The following ARG2 variants were observed in gnomAD, a reference collection of about 807,000 sequenced individuals.
ARG2 encodes the protein arginase 2.
In ARG2, 21 loss-of-function variants were observed where a neutral mutation model predicts 39.4. That is an observed-to-expected ratio of 0.53 (90% CI 0.38 to 0.77). The LOEUF (loss-of-function observed/expected upper bound fraction) is 0.77. ARG2 is among the 30% of genes least tolerant of loss of function. The probability of loss-of-function intolerance (pLI) is 0.00; values close to 1 mark genes in which losing one functional copy is unlikely to be tolerated. For synonymous variants in ARG2, 150 were observed against 156.7 expected (o/e 0.96, Z 0.32); for missense variants, 378 against 426.2 (o/e 0.89, Z 1.00).
At chr14:67,630,453 C>T (rs1184233360) in intron 2 of ARG2, among the ~76,000 whole-genome samples, 1 of 152,188 alleles carries the variant, frequency 6.6e-6, no homozygotes, top group Non-Finnish European at 1.5e-5. Flanking sequence ...AAGAAAGGGG[C>T]AAAGGCAGTT....
chr14:67,647,456 G>GA (rs1026989500), intron 6 of ARG2: 2 of 159,034 alleles, frequency 1.3e-5, no homozygotes, highest in Non-Finnish European at 2.7e-5. Context: ...ACTTCTGGGT[G>GA]ATTAATGTCA....
At chr14:67,620,588 G>T (rs1223902710) in intron 1 of ARG2, among the ~76,000 whole-genome samples, 1 of 152,140 alleles carries the variant, frequency 6.6e-6, no homozygotes, top group African/African-American at 2.4e-5. Flanking sequence ...GAGCTGTTTT[G>T]TTCTCTTCAA....
chr14:67,631,437 T>TTG (rs2036918002), intron 2 of ARG2, among the ~76,000 whole-genome samples: 1 of 145,446 alleles, frequency 6.9e-6, no homozygotes, highest in African/African-American at 2.6e-5. Flanking sequence ...TTTCTTTCTT[T>TTG]TTTTTTTTTT....
In ARG2 at chr14:67,620,063, T is replaced by C; in HGVS notation, c.86T>C (p.Ile29Thr). Residue 29 changes from isoleucine to threonine, a missense_variant, in exon 1 of 8, where the codon ATA (isoleucine) becomes ACA (threonine). By Grantham distance (89) the Ile-to-Thr change is moderately conservative. Transcript: ENST00000261783. ...LKKSVHSVAVIGAPFSQGQKR... is the reference protein window; with the variant it reads ...LKKSVHSVAVTGAPFSQGQKR... ...AAATCCGTCCACTCCGTGGCTGTGATAGGAGCCCCGTTCTCACAAGGGCAG... is the reference window on the plus strand; with the variant it reads ...AAATCCGTCCACTCCGTGGCTGTGACAGGAGCCCCGTTCTCACAAGGGCAG... 1.2e-6 allele frequency: 2 copies of C among 1,610,398 alleles called. No homozygotes were observed. The highest frequency in any genetic ancestry group is 1.7e-6 in the Non-Finnish European group (2 of 1,178,370).
intron 7 of ARG2, 100 bp downstream of exon 7, chr14:67,648,283 G>C: frequency 1.4e-6 from 2 of 1,400,002 alleles, no homozygotes; most frequent in South Asian, 1.5e-5. Flanking sequence ...CATCATTGCA[G>C]AGTTTGTTTT....
chr14:67,625,680 C>CAAAAAA (rs1176476000), intron 2 of ARG2, among the ~76,000 whole-genome samples: 59 of 31,472 alleles, frequency 1.9e-3, no homozygotes, highest in Middle Eastern at 0.016. Flanking sequence ...AACTCCATCT[C>CAAAAAA]AAAAAAAAAA....
intron 2 of ARG2, among the ~76,000 whole-genome samples, chr14:67,629,150 T>A (rs1394186619): frequency 6.6e-6 from 1 of 152,110 alleles, no homozygotes; most frequent in East Asian, 1.9e-4. Flanking sequence ...CCTGGGCAAC[T>A]TAGCGAGTCC....
At chr14:67,647,135 C>T (rs893018647) in intron 6 of ARG2, 110 bp downstream of exon 6, 1 of 741,678 alleles carries the variant, frequency 1.3e-6, no homozygotes, top group African/African-American at 1.8e-5. Context: ...AAAACATACA[C>T]ATAATTTTAA....
intron 2 of ARG2, among the ~76,000 whole-genome samples, chr14:67,629,090 T>C (rs1219346510): frequency 1.3e-5 from 2 of 152,108 alleles, no homozygotes; most frequent in African/African-American, 4.8e-5. Flanking sequence ...TCCCAGCACT[T>C]TGGGAGGCTG....
At chr14:67,648,009 T>G in intron 6 of ARG2, 38 bp from the exon 7 acceptor site, 12 of 1,544,002 alleles carry the variant, frequency 7.8e-6, no homozygotes, top group Non-Finnish European at 1.1e-5. Context: ...ACCAGTTAAG[T>G]ATTATTTTAA....
intron 7 of ARG2, chr14:67,649,577 G>T (rs1351975724): frequency 6.6e-6 from 1 of 152,202 alleles, no homozygotes; most frequent in African/African-American, 2.4e-5. Context: ...TGCAGGTTTA[G>T]TCAGTGGAAA....
intron 2 of ARG2, among the ~76,000 whole-genome samples, chr14:67,629,896 C>A (rs1594823435): frequency 6.6e-6 from 1 of 152,162 alleles, no homozygotes; most frequent in South Asian, 2.1e-4. Context: ...TACATTCTTA[C>A]AGAAAGTCCA....
chr14:67,637,821 T>C (rs890208585), intron 2 of ARG2, among the ~76,000 whole-genome samples: 4 of 152,274 alleles, frequency 2.6e-5, no homozygotes, highest in African/African-American at 7.2e-5. Flanking sequence ...CACGGTGGCA[T>C]ACATTGCTAG....
chr14:67,623,834 T>C (rs571822741), intron 2 of ARG2, among the ~76,000 whole-genome samples: 5 of 151,944 alleles, frequency 3.3e-5, no homozygotes, highest in African/African-American at 4.8e-5. Context: ...GAGCCACTGC[T>C]CCCAGCCACC....
Position 67,651,193 on chromosome 14 carries a change from C to T in ARG2, c.*273C>T, listed in dbSNP as rs2037170692. The T allele has an allele frequency of 1.8e-6, 2 of 1,124,668 alleles. No homozygotes were observed. Among genetic ancestry groups the T allele is most frequent in the Admixed American group, 5.5e-5 (2 of 36,586 alleles). 69.7% of individuals were successfully genotyped at this position (1,124,668 alleles called of 1,614,324 possible). ...GCATTTATTACCTTGGTATATCATA[C>T]TGGTCTTGTTGCTGTTGTTCCTTCA... On this transcript the variant is annotated 3_prime_UTR_variant, in exon 8 of 8. Transcript: ENST00000261783.
rs1314711415 is a variant in ARG2 at position 67,647,034 on chromosome 14, CTA to C, written c.722+12_722+13del. 8.9e-6 allele frequency: 14 copies of C among 1,576,138 alleles called. No individual in the cohort carries two copies. Among genetic ancestry groups the C allele is most frequent in the Non-Finnish European group, 1.2e-5 (14 of 1,146,416 alleles). Reference sequence around the variant, plus strand: ...GATCTGCTGATTGGCAAGTAAGTAACTATAACTGATGTCAGGGCAAACCCCCA... The same window carrying C: ...GATCTGCTGATTGGCAAGTAAGTAACTAACTGATGTCAGGGCAAACCCCCA... On this transcript the variant is annotated intron_variant, in intron 6 of 7. Coordinates refer to ENST00000261783, the MANE Select transcript of ARG2 (RefSeq NM_001172.4).
At chr14:67,636,324 T>G (rs992014168) in intron 2 of ARG2, among the ~76,000 whole-genome samples, 36 of 152,250 alleles carry the variant, frequency 2.4e-4, no homozygotes, top group African/African-American at 8.4e-4. Flanking sequence ...ATATATGAGC[T>G]CTAACCAAAG....
At chr14:67,633,766 T>C (rs2036942580) in intron 2 of ARG2, among the ~76,000 whole-genome samples, 1 of 152,216 alleles carries the variant, frequency 6.6e-6, no homozygotes, top group Admixed American at 6.5e-5. Context: ...CTAGGTGCAC[T>C]CTGGGTTCGG....
Position 67,651,696 on chromosome 14 carries a change from C to A in ARG2, c.*776C>A. The stretch of plus-strand genomic sequence containing the variant: ...AATGTTAAACTGAGACAATAAAAAC[C>A]AAAGCATAAAAATGGATTCTGAAAT... On this transcript the variant is annotated 3_prime_UTR_variant, in exon 8 of 8. Transcript: ENST00000261783. 2.5e-6 allele frequency: 1 copy of A among 403,886 alleles called. No homozygotes were observed. Among genetic ancestry groups the A allele is most frequent in the African/African-American group, 2.3e-5 (1 of 43,720 alleles). The allele number at this position is 403,886 out of a possible 1,614,324, so 25.0% of individuals were successfully genotyped here. A position where few individuals can be genotyped will look rare whatever the true frequency, so the allele number is the denominator to read the frequency against.
Sources: allele counts gnomAD v4.1 joint callset (sites outside exome capture counted in the v4.1 genomes callset), GRCh38; gene constraint gnomAD v4.1.1; transcripts MANE v1.5; gene names NCBI Gene and HGNC (gene_info 2026-07-23, HGNC 2026-07-21).